Variants in SNTG2 observed in about 807,000 individuals in gnomAD.
SNTG2 encodes syntrophin gamma 2, also known as gamma-2-syntrophin.
In SNTG2, 74 loss-of-function variants were observed where a neutral mutation model predicts 70.9. The observed-to-expected ratio is 1.04, with a 90% CI of 0.86 to 1.27. SNTG2 has a LOEUF of 1.27. Among genes scored for constraint, SNTG2 ranks in the 50% most tolerant of loss-of-function variants. The probability of loss-of-function intolerance (pLI) is 0.00; values close to 1 mark genes in which losing one functional copy is unlikely to be tolerated. For missense variants in SNTG2, 717 were observed against 690.7 expected, an observed-to-expected ratio of 1.04 and a Z score of -0.43; for synonymous variants, 278 against 273.8, an observed-to-expected ratio of 1.02 and a Z score of -0.15.
intron 7 of SNTG2, among the ~76,000 whole-genome samples, chr2:1,167,937 G>T (rs1407191873): frequency 8.3e-6 from 1 of 121,100 alleles, no homozygotes. Context: ...CCCACAGACG[G>T]CAGAACTGAA....
chr2:1,083,623 G>T lies in SNTG2; in HGVS notation c.178G>T (p.Val60Phe). The T allele has an allele frequency of 6.2e-7, 1 of 1,613,766 alleles. No homozygotes were observed. Among genetic ancestry groups the T allele is most frequent in the African/African-American group, 1.3e-5 (1 of 75,044 alleles). The change falls in exon 2 of 17, where the codon GTC becomes TTC. Residue 60 changes from valine to phenylalanine, a missense_variant. Physicochemically the swap from Val to Phe is conservative, Grantham distance 50. Coordinates refer to ENST00000308624, the MANE Select transcript of SNTG2 (RefSeq NM_018968.4). ...GCTGACAATTCAGAAACAAGATGTT[G>T]TCTGTGTGGGCGGAAGCCACCAGGG... The part of the protein sequence containing the change: ...EVLTIQKQDV[V>F]CVGGSHQGRN...
intron 1 of SNTG2, among the ~76,000 whole-genome samples, chr2:1,026,553 G>T (rs771813779): frequency 3.3e-5 from 5 of 152,206 alleles, no homozygotes; most frequent in African/African-American, 4.8e-5. Context: ...GTACGGGCTA[G>T]AGTTTTGAGA....
intron 1 of SNTG2, among the ~76,000 whole-genome samples, chr2:999,464 A>G (rs1661795995): frequency 1.3e-5 from 2 of 152,052 alleles, no homozygotes; most frequent in Non-Finnish European, 2.9e-5. Context: ...ATTCCATGCA[A>G]AGGACACCAA....
intron 16 of SNTG2, among the ~76,000 whole-genome samples, chr2:1,330,438 C>G (rs946928193): frequency 6.6e-6 from 1 of 152,214 alleles, no homozygotes; most frequent in Non-Finnish European, 1.5e-5. Context: ...ATAATACTTA[C>G]ATTTCCCAGG....
intron 16 of SNTG2, among the ~76,000 whole-genome samples, chr2:1,320,534 C>CAAAAAAAAAAA (rs35391780): frequency 7.8e-5 from 7 of 89,454 alleles, no homozygotes; most frequent in South Asian, 3.9e-4. Context: ...GACTCCTTCT[C>CAAAAAAAAAAA]AAAAAAAAAA....
intron 12 of SNTG2, among the ~76,000 whole-genome samples, chr2:1,247,699 C>T (rs1478623763): frequency 3.3e-5 from 5 of 152,052 alleles, no homozygotes; most frequent in Non-Finnish European, 7.4e-5. Flanking sequence ...CCTCAAATTC[C>T]AGCTGGTTTG....
At chr2:986,699 A>T (rs1257753665) in intron 1 of SNTG2, among the ~76,000 whole-genome samples, 1 of 151,956 alleles carries the variant, frequency 6.6e-6, no homozygotes, top group Non-Finnish European at 1.5e-5. Flanking sequence ...CAAGTGGAAC[A>T]TTTTTTTCTA....
At position 1,294,349 on chromosome 2, in the gene SNTG2, G is replaced by A. The variant is rs146693468; in HGVS notation, c.1285-14145G>A. 3.4e-3 allele frequency among the ~76,000 whole-genome samples: 522 copies of A among 152,318 alleles called. 4 individuals carry two copies. The highest frequency in any genetic ancestry group is 0.012 in the African/African-American group (504 of 41,574). ...CATGCCCCTCCCATGCCCAAGGAATGCAGCTTTGAGAATTTCATCTAATCT... is the reference window on the plus strand; with the variant it reads ...CATGCCCCTCCCATGCCCAAGGAATACAGCTTTGAGAATTTCATCTAATCT... On this transcript the variant is annotated intron_variant, in intron 14 of 16. Transcript: ENST00000308624.
intron 6 of SNTG2, among the ~76,000 whole-genome samples, chr2:1,153,813 C>T (rs761970996): frequency 4.6e-5 from 7 of 152,152 alleles, no homozygotes; most frequent in Non-Finnish European, 7.3e-5. Flanking sequence ...ATACATTTTC[C>T]TAACTTCGAA....
At chr2:1,336,466 T>G (rs755334762) in intron 16 of SNTG2, among the ~76,000 whole-genome samples, 3 of 152,222 alleles carry the variant, frequency 2.0e-5, no homozygotes, top group Non-Finnish European at 4.4e-5. Context: ...TTTAGTTCAA[T>G]GGACTTTAAT....
chr2:1,063,221 G>A (rs1205088023), intron 1 of SNTG2, among the ~76,000 whole-genome samples: 1 of 152,158 alleles, frequency 6.6e-6, no homozygotes, highest in Non-Finnish European at 1.5e-5. Context: ...TCCTAGAGGA[G>A]CAGATATCCA....
chr2:1,218,074 G>A (rs1206496832), intron 9 of SNTG2, among the ~76,000 whole-genome samples: 1 of 151,840 alleles, frequency 6.6e-6, no homozygotes, highest in Non-Finnish European at 1.5e-5. Flanking sequence ...GTCAGCCAAG[G>A]GCTGCTCTCC....
At chr2:1,168,942 G>A (rs1670938446) in intron 7 of SNTG2, among the ~76,000 whole-genome samples, 1 of 152,206 alleles carries the variant, frequency 6.6e-6, no homozygotes, top group Admixed American at 6.5e-5. Context: ...ACGCGGCACA[G>A]TGGTGCACCC....
intron 1 of SNTG2, among the ~76,000 whole-genome samples, chr2:1,011,899 A>G (rs1659739166): frequency 6.6e-6 from 1 of 152,238 alleles, no homozygotes; most frequent in Admixed American, 6.5e-5. Flanking sequence ...CTCATTAGGA[A>G]AAATTGTGAA....
intron 9 of SNTG2, among the ~76,000 whole-genome samples, chr2:1,230,784 G>T (rs555818852): frequency 1.3e-5 from 2 of 152,214 alleles, no homozygotes; most frequent in Non-Finnish European, 2.9e-5. Context: ...ACAAGCCCCC[G>T]CTACCTACTG....
intron 16 of SNTG2, among the ~76,000 whole-genome samples, chr2:1,329,412 C>T (rs958175515): frequency 1.3e-5 from 2 of 152,142 alleles, no homozygotes; most frequent in Non-Finnish European, 2.9e-5. Flanking sequence ...ACCAAGGTCT[C>T]CAAAGATGAA....
chr2:1,002,760 A>G (rs912311388), intron 1 of SNTG2, among the ~76,000 whole-genome samples: 11 of 151,526 alleles, frequency 7.3e-5, no homozygotes, highest in Non-Finnish European at 1.6e-4. Flanking sequence ...ATATACCCAA[A>G]GGGAAAAAAA....
rs1324984776 is a variant in SNTG2 at position 1,235,513 on chromosome 2, G to GC, written c.720-2375_720-2374insC. Among the ~76,000 whole-genome samples the GC allele has an allele frequency of 6.4e-3, 319 of 50,108 alleles. 6 individuals carry two copies. Among genetic ancestry groups the GC allele is most frequent in the African/African-American group, 0.011 (85 of 7,628 alleles). The allele number at this position is 50,108 out of a possible 152,430, so 32.9% of individuals were successfully genotyped here. On this transcript the variant is annotated intron_variant, in intron 9 of 16. Coordinates refer to ENST00000308624, the MANE Select transcript of SNTG2 (RefSeq NM_018968.4). Reference sequence around the variant, plus strand: ...AGGCACACCCTATTCATGAGAGGGGGGCCCCTGCCCCACGCTGCCCTGAGG... The same window carrying GC: ...AGGCACACCCTATTCATGAGAGGGGGCGCCCCTGCCCCACGCTGCCCTGAGG...
chr2:1,098,856 T>G (rs1372192803), intron 4 of SNTG2, among the ~76,000 whole-genome samples: 7 of 152,204 alleles, frequency 4.6e-5, no homozygotes, highest in African/African-American at 1.7e-4. Context: ...TGAAACGCCG[T>G]CCGTTCTGCA....
Sources: gnomAD v4.1 joint callset for allele counts (sites outside exome capture counted in the v4.1 genomes callset) on GRCh38, gnomAD v4.1.1 for gene constraint, MANE v1.5 for transcripts, NCBI Gene and HGNC (gene_info 2026-07-23, HGNC 2026-07-21) for gene names.